The following RBM26 variants were observed in gnomAD, a reference collection of about 807,000 sequenced individuals.
The protein encoded by RBM26 is RNA-binding protein 26.
In RBM26, 30 loss-of-function variants were observed where a neutral mutation model predicts 123.6. That is an observed-to-expected ratio of 0.24 (90% CI 0.18 to 0.33). The LOEUF is 0.33. Ranked by LOEUF, RBM26 falls within the 10% of genes least tolerant of loss-of-function variation. The probability of loss-of-function intolerance (pLI) is 1.00; values close to 1 mark genes in which losing one functional copy is unlikely to be tolerated. For missense variants in RBM26, 947 were observed against 1,203.6 expected, an observed-to-expected ratio of 0.79 and a Z score of 3.15; for synonymous variants, 400 against 404.4, an observed-to-expected ratio of 0.99 and a Z score of 0.13.
intron 17 of RBM26, among the ~76,000 whole-genome samples, chr13:79,341,480 G>A (rs1250800075): frequency 6.6e-6 from 1 of 151,720 alleles, no homozygotes; most frequent in Non-Finnish European, 1.5e-5. Flanking sequence ...TACACAGACT[G>A]ATATGGGGTA....
chr13:79,375,953 A>C (rs981538374), intron 3 of RBM26, among the ~76,000 whole-genome samples: 4 of 152,066 alleles, frequency 2.6e-5, no homozygotes, highest in African/African-American at 9.7e-5. Context: ...GAAAAGTAAA[A>C]TAATGTATAT....
At chr13:79,378,596 T>G (rs571047903) in intron 2 of RBM26, among the ~76,000 whole-genome samples, 193 bp downstream of exon 2, 1 of 152,138 alleles carries the variant, frequency 6.6e-6, no homozygotes, top group Non-Finnish European at 1.5e-5. Context: ...CCCACCATCA[T>G]GCCCGGCTAA....
exon 5 of RBM26, chr13:79,313,514 A>T (rs146762507): frequency 1.3e-5 from 2 of 151,846 alleles, no homozygotes; most frequent in Non-Finnish European, 3.0e-5. Context: ...TCTTTACCCT[A>T]GCAGTAAACC....
chr13:79,316,821 AT>A (rs1419570781), downstream of RBM26, among the ~76,000 whole-genome samples: 24 of 151,684 alleles, frequency 1.6e-4, no homozygotes, highest in East Asian at 4.6e-3. Flanking sequence ...ACGTTCCTCA[AT>A]TTTTTCCTGT....
intron 20 of RBM26, among the ~76,000 whole-genome samples, chr13:79,325,545 T>C (rs1195360737): frequency 3.9e-5 from 6 of 152,150 alleles, no homozygotes; most frequent in Non-Finnish European, 4.4e-5. Flanking sequence ...CAAAAGCTTA[T>C]TGAATAAGGA....
At chr13:79,328,193 T>C (rs967797760) in intron 20 of RBM26, among the ~76,000 whole-genome samples, 2 of 152,100 alleles carry the variant, frequency 1.3e-5, no homozygotes, top group Admixed American at 6.6e-5. Flanking sequence ...ATTCTGAAAG[T>C]GAGTAATAAT....
chr13:79,339,704 T>C (rs1594088474), intron 18 of RBM26, among the ~76,000 whole-genome samples: 1 of 152,234 alleles, frequency 6.6e-6, no homozygotes, highest in East Asian at 1.9e-4. Flanking sequence ...TAACACTGAA[T>C]ACTTAATATG....
At chr13:79,397,116 G>A (rs1163399644) in intron 1 of RBM26, among the ~76,000 whole-genome samples, 4 of 152,202 alleles carry the variant, frequency 2.6e-5, no homozygotes, top group African/African-American at 9.6e-5. Flanking sequence ...GGGAGGTGGA[G>A]GTTGCAGTGA....
At position 79,367,406 on chromosome 13, in the gene RBM26, CAAAA is replaced by C. The variant is rs776345304; in HGVS notation, c.896-538_896-535del. ...TGGGGTATAGGGGGAGACTCCATCT[CAAAA>C]AAAAAAAAAAAAAAAAAAAAAAGAA... is the stretch of plus-strand genomic sequence containing the variant. On this transcript the variant is annotated intron_variant, in intron 6 of 21. Transcript: ENST00000438737. Among the ~76,000 whole-genome samples the C allele has an allele frequency of 2.6e-3, 102 of 39,646 alleles. 1 individual carries two copies. Among genetic ancestry groups the C allele is most frequent in the Admixed American group, 0.011 (28 of 2,666 alleles). 26.0% of individuals were successfully genotyped at this position (39,646 alleles called of 152,430 possible). A position where few individuals can be genotyped will look rare whatever the true frequency, so the allele number is the denominator to read the frequency against.
intron 20 of RBM26, among the ~76,000 whole-genome samples, chr13:79,332,071 C>G (rs1332867889): frequency 6.6e-6 from 1 of 152,140 alleles, no homozygotes; most frequent in African/African-American, 2.4e-5. Context: ...TATTCTTGTA[C>G]TTTCATCTTG....
At chr13:79,377,567 T>A (rs761786185) in intron 2 of RBM26, 52 bp from the exon 3 acceptor site, 2 of 1,349,166 alleles carry the variant, frequency 1.5e-6, no homozygotes, top group South Asian at 2.4e-5. Flanking sequence ...TAAGATTAAT[T>A]CCCCGCTTCC....
chr13:79,367,013 T>C (rs2075326526), intron 6 of RBM26, 141 bp from the exon 7 acceptor site: 1 of 643,600 alleles, frequency 1.6e-6, no homozygotes, highest in Non-Finnish European at 2.5e-6. Context: ...TCCCAAGAGC[T>C]ACCTGATCTT....
chr13:79,350,530 A>G (rs145282556), intron 14 of RBM26, among the ~76,000 whole-genome samples: 1 of 152,326 alleles, frequency 6.6e-6, no homozygotes, highest in East Asian at 1.9e-4. Flanking sequence ...CTTCATATTT[A>G]CCAGCAGCAA....
intron 2 of RBM26, among the ~76,000 whole-genome samples, chr13:79,377,798 C>T (rs1278379656): frequency 1.3e-5 from 2 of 152,030 alleles, no homozygotes; most frequent in African/African-American, 4.8e-5. Flanking sequence ...ATTCCAGATA[C>T]TAGGGAGGCT....
chr13:79,355,780 A>G (rs1483866731), intron 11 of RBM26, among the ~76,000 whole-genome samples: 1 of 152,248 alleles, frequency 6.6e-6, no homozygotes, highest in Non-Finnish European at 1.5e-5. Flanking sequence ...CTAATAAAAA[A>G]TTACAGAAAA....
At position 79,347,904 on chromosome 13, in the gene RBM26, GT is replaced by G. The variant is rs1367151650; in HGVS notation, c.2059-3111del. 5.9e-5 allele frequency among the ~76,000 whole-genome samples: 9 copies of G among 151,856 alleles called. 2 individuals carry two copies. The highest frequency in any genetic ancestry group is 7.4e-5 in the Non-Finnish European group (5 of 67,898). On this transcript the variant is annotated intron_variant, in intron 14 of 21. Transcript: ENST00000438737. Reference sequence around the variant, plus strand: ...ACAATTGAATATTATGTTAGCTGTAGTTTTTTTTCTTTTATTGCAGATTTCC... The same window carrying G: ...ACAATTGAATATTATGTTAGCTGTAGTTTTTTTCTTTTATTGCAGATTTCC...
At chr13:79,340,841 A>G (rs1275311399) in intron 18 of RBM26, among the ~76,000 whole-genome samples, 1 of 151,962 alleles carries the variant, frequency 6.6e-6, no homozygotes, top group Non-Finnish European at 1.5e-5. Context: ...TATTCCAGGG[A>G]GGACAGACCA....
Position 79,337,094 on chromosome 13 carries a change from G to A in RBM26, c.2733+8C>T. 1 of 1,611,488 alleles carries A rather than the reference G, an allele frequency of 6.2e-7. No homozygotes were observed. The highest frequency in any genetic ancestry group is 2.2e-5 in the East Asian group (1 of 44,806). On this transcript the variant is annotated splice_region_variant and intron_variant, in intron 19 of 21. Coordinates refer to ENST00000438737, the MANE Select transcript of RBM26 (RefSeq NM_001366735.2). ...CAGCATTTGTTTTGTTGAGCAGTAA[G>A]AAAGTACCGCAAAATGAGGAAGAAG...
intron 17 of RBM26, 29 bp from the exon 18 acceptor site, chr13:79,341,256 G>T: frequency 1.5e-6 from 2 of 1,372,838 alleles, no homozygotes; most frequent in Non-Finnish European, 2.1e-6. Context: ...TATTTTAGGT[G>T]ACAGTAATTA....
Sources: allele counts gnomAD v4.1 joint callset (sites outside exome capture counted in the v4.1 genomes callset), GRCh38; gene constraint gnomAD v4.1.1; transcripts MANE v1.5; gene names NCBI Gene and HGNC (gene_info 2026-07-23, HGNC 2026-07-21).